SLC35F3: variants seen among roughly 807,000 people sequenced by gnomAD.
SLC35F3 encodes putative thiamine transporter SLC35F3.
A neutral mutation model predicts 49.9 loss-of-function variants in SLC35F3; 25 were observed. That is an observed-to-expected ratio of 0.50 (90% confidence interval 0.37 to 0.70). SLC35F3 has a LOEUF of 0.70. Ranked by LOEUF, SLC35F3 falls within the 30% of genes least tolerant of loss-of-function variation. SLC35F3 has a pLI of 0.00. For synonymous variants in SLC35F3, 275 were observed against 265.4 expected, an observed-to-expected ratio of 1.04 and a Z score of -0.35; for missense variants, 525 against 639.8, an observed-to-expected ratio of 0.82 and a Z score of 1.94.
chr1:234,236,314 C>T (rs551619034), intron 3 of SLC35F3, among the ~76,000 whole-genome samples: 14 of 152,110 alleles, frequency 9.2e-5, no homozygotes, highest in African/African-American at 2.7e-4. Context: ...TGATGGTGCA[C>T]CTGTAGTCCC....
At chr1:233,943,395 C>A (rs1170903211) in intron 2 of SLC35F3, among the ~76,000 whole-genome samples, 9 of 152,210 alleles carry the variant, frequency 5.9e-5, no homozygotes, top group Admixed American at 5.2e-4. Flanking sequence ...TCAGTCAATA[C>A]ACAAATCATG....
chr1:233,908,785 C>T (rs76365900), intron 2 of SLC35F3, among the ~76,000 whole-genome samples: 4,139 of 151,472 alleles, frequency 0.027, 118 homozygotes, highest in East Asian at 0.15. Context: ...CTGCCCACCT[C>T]GGCCTCCCAA....
intron 2 of SLC35F3, among the ~76,000 whole-genome samples, chr1:233,932,421 A>G (rs558770982): frequency 2.9e-4 from 44 of 152,288 alleles, no homozygotes; most frequent in Non-Finnish European, 5.9e-4. Flanking sequence ...TGCCGACTCT[A>G]TAAAGTTCAA....
chr1:234,231,438 C>CCCCGGG lies in SLC35F3; in HGVS notation c.311_316dup (p.Gly104_Pro105dup), dbSNP rs1558267644. 6.3e-7 allele frequency: 1 copy of CCCCGGG among 1,593,766 alleles called. No individual in the cohort carries two copies. Among genetic ancestry groups the CCCCGGG allele is most frequent in the Non-Finnish European group, 8.5e-7 (1 of 1,170,704 alleles). ...CCAGGGGAGGAGCGCCCCCGGGACTCCCCGGGCCCGGCGGAGGCCCAGGCA... is the reference window on the plus strand; with the variant it reads ...CCAGGGGAGGAGCGCCCCCGGGACTCCCCGGGCCCGGGCCCGGCGGAGGCCCAGGCA... On this transcript the variant is annotated inframe_insertion, in exon 3 of 8. Transcript: ENST00000366618. The surrounding 1 kb of genome is among the most constrained non-coding windows in gnomAD (Gnocchi z 5.4).
intron 2 of SLC35F3, among the ~76,000 whole-genome samples, chr1:234,182,427 C>A (rs1407420642): frequency 1.3e-5 from 2 of 152,190 alleles, no homozygotes; most frequent in African/African-American, 4.8e-5. Flanking sequence ...TATTGAGAGA[C>A]CCTGATCTGG....
intron 2 of SLC35F3, among the ~76,000 whole-genome samples, chr1:234,124,267 A>G (rs1229760855): frequency 6.6e-6 from 1 of 152,258 alleles, no homozygotes; most frequent in Non-Finnish European, 1.5e-5. Flanking sequence ...TAAGTGGGAC[A>G]GTAAAGGAGA....
chr1:234,266,573 AT>A, intron 3 of SLC35F3, among the ~76,000 whole-genome samples: 1 of 152,220 alleles, frequency 6.6e-6, no homozygotes, highest in South Asian at 2.1e-4. Context: ...TGAGAAATGT[AT>A]CCTTAGGGAT....
At chr1:234,086,047 A>G (rs1307869478) in intron 2 of SLC35F3, among the ~76,000 whole-genome samples, 1 of 152,198 alleles carries the variant, frequency 6.6e-6, no homozygotes. Context: ...TATCTTGCTC[A>G]TTTTTGTTCA....
intron 1 of SLC35F3, 65 bp downstream of exon 1, chr1:233,905,195 C>G (rs981915874): frequency 6.6e-7 from 1 of 1,520,032 alleles, no homozygotes; most frequent in Non-Finnish European, 8.9e-7. Context: ...CCGGGGTAGC[C>G]CTTTGCAGCT....
At chr1:233,966,956 A>T (rs1662914999) in intron 2 of SLC35F3, among the ~76,000 whole-genome samples, 2 of 152,214 alleles carry the variant, frequency 1.3e-5, no homozygotes, top group Admixed American at 1.3e-4. Flanking sequence ...CTGCATCAAA[A>T]AGGTCCTTTG....
rs12045561 is a variant in SLC35F3, at chr1:234,286,312, G to A, written c.609-22789G>A. ...TACAACTGGCTGGCTGGAAAGAAGGGCCAAATAGAACAGAAAATTTAATAG... is the reference window on the plus strand; with the variant it reads ...TACAACTGGCTGGCTGGAAAGAAGGACCAAATAGAACAGAAAATTTAATAG... On this transcript the variant is annotated intron_variant, in intron 3 of 7. Transcript: ENST00000366618. Among the ~76,000 whole-genome samples, 414 of 152,072 alleles carry A rather than the reference G, an allele frequency of 2.7e-3. 17 individuals carry two copies. In the East Asian group the frequency reaches 0.064, roughly 24 times the overall value.
chr1:234,112,684 T>G (rs1665426289), intron 2 of SLC35F3, among the ~76,000 whole-genome samples: 1 of 142,732 alleles, frequency 7.0e-6, no homozygotes, highest in Admixed American at 7.2e-5. Context: ...GCCTCCAGAG[T>G]AGCTGGGACT....
intron 2 of SLC35F3, among the ~76,000 whole-genome samples, chr1:233,972,318 AGC>A (rs1469226462): frequency 6.6e-6 from 1 of 152,206 alleles, no homozygotes; most frequent in African/African-American, 2.4e-5. Context: ...AGAAGCATCA[AGC>A]ATATTTTACA....
chr1:234,310,054 T>C (rs915559716), intron 4 of SLC35F3, among the ~76,000 whole-genome samples: 1 of 152,050 alleles, frequency 6.6e-6, no homozygotes, highest in African/African-American at 2.4e-5. Context: ...TACAGAGAGA[T>C]TCCCCCGAAT....
chr1:233,926,638 A>G (rs1364069355), intron 2 of SLC35F3, among the ~76,000 whole-genome samples: 1 of 152,092 alleles, frequency 6.6e-6, no homozygotes, highest in East Asian at 1.9e-4. Context: ...ACTTCTGTCA[A>G]CTCATCAAAG....
chr1:234,291,476 T>G (rs1421882516), intron 3 of SLC35F3, among the ~76,000 whole-genome samples: 4 of 152,160 alleles, frequency 2.6e-5, no homozygotes, highest in Non-Finnish European at 5.9e-5. Context: ...AGAGGATATT[T>G]TTTTTAAGAG....
In SLC35F3 at chr1:234,214,378, G is replaced by A; in HGVS notation, c.284-17039G>A. 7.4e-7 allele frequency: 1 copy of A among 1,358,226 alleles called. No homozygotes were observed. Among genetic ancestry groups the A allele is most frequent in the Middle Eastern group, 2.8e-4 (1 of 3,624 alleles). The allele number at this position is 1,358,226 out of a possible 1,614,324, so 84.1% of individuals were successfully genotyped here. ...GGGAGGCCGGGACTGAGAGGGGCGA[G>A]CCGCTGGTGCTCCCCGGCGGCAGAG... is the stretch of plus-strand genomic sequence containing the variant. On this transcript the variant is annotated intron_variant, in intron 2 of 7. Coordinates refer to ENST00000366618, the MANE Select transcript of SLC35F3 (RefSeq NM_173508.4). The surrounding 1 kb of genome is among the most constrained non-coding windows in gnomAD (Gnocchi z 8.0).
rs1238482986 is a variant in SLC35F3 at position 233,905,014 on chromosome 1, A to G, written c.-64A>G. 2.6e-6 allele frequency: 4 copies of G among 1,513,488 alleles called. No individual in the cohort carries two copies. The highest frequency in any genetic ancestry group is 2.7e-6 in the Non-Finnish European group (3 of 1,116,960). 93.8% of individuals were successfully genotyped at this position (1,513,488 alleles called of 1,614,324 possible). Reference sequence around the variant, plus strand: ...TCTTCCCAGGCTAGCGGCTGCAGGGAGCTCCGGCCCGCGGCCCCTCCGCCT... The same window carrying G: ...TCTTCCCAGGCTAGCGGCTGCAGGGGGCTCCGGCCCGCGGCCCCTCCGCCT... On this transcript the variant is annotated 5_prime_UTR_variant, in exon 1 of 8. Transcript: ENST00000366618.
chr1:234,004,550 A>AT (rs1191564258), intron 2 of SLC35F3, among the ~76,000 whole-genome samples: 4 of 148,354 alleles, frequency 2.7e-5, no homozygotes, highest in African/African-American at 9.9e-5. Context: ...ATATATGCTG[A>AT]TGGTCTATTT....
Sources: gnomAD v4.1 joint callset for allele counts (sites outside exome capture counted in the v4.1 genomes callset) on GRCh38, gnomAD v4.1.1 for gene constraint, Gnocchi (gnomAD v3.1) non-coding constraint, MANE v1.5 for transcripts, NCBI Gene and HGNC (gene_info 2026-07-23, HGNC 2026-07-21) for gene names.